The following MNDA variants were observed in gnomAD, a reference collection of about 807,000 sequenced individuals.
MNDA encodes myeloid cell nuclear differentiation antigen, also known as epididymis secretory sperm binding protein.
MNDA carries 43 observed loss-of-function variants against 37.8 expected under a neutral mutation model. That is an observed-to-expected ratio of 1.14 (90% CI 0.89 to 1.47). The LOEUF is 1.47. Among genes scored for constraint, MNDA ranks in the 40% most tolerant of loss-of-function variants. The pLI is 0.00. For synonymous variants in MNDA, 181 were observed against 169.0 expected (o/e 1.07, Z -0.55); for missense variants, 536 against 476.0 (o/e 1.13, Z -1.17).
chr1:158,842,383 A>C lies in MNDA; in HGVS notation c.230A>C (p.Asn77Thr). ...ELAKDMPSLK[N>T]LVNNLRKEKS... ...GCCAAAGATATGCCATCACTTAAAA[A>C]CCTTGTTAACAATCTTCGAAAAGAG... Residue 77 changes from asparagine to threonine, a missense_variant, in exon 2 of 7, where the codon AAC becomes ACC. Physicochemically the swap from Asn to Thr is moderately conservative, Grantham distance 65. Coordinates refer to ENST00000368141, the MANE Select transcript of MNDA (RefSeq NM_002432.3). 6.2e-7 allele frequency: 1 copy of C among 1,612,296 alleles called. No homozygotes were observed. The highest frequency in any genetic ancestry group is 8.5e-7 in the Non-Finnish European group (1 of 1,179,478).
chr1:158,832,422 G>C (rs2102043074), intron 1 of MNDA, among the ~76,000 whole-genome samples: 1 of 151,898 alleles, frequency 6.6e-6, no homozygotes, highest in South Asian at 2.1e-4. Context: ...GTAACTGAGA[G>C]ATGTGGTGAA....
At chr1:158,847,542 T>G (rs1659157238) in intron 5 of MNDA, among the ~76,000 whole-genome samples, 186 bp from the exon 6 acceptor site, 1 of 151,966 alleles carries the variant, frequency 6.6e-6, no homozygotes, top group African/African-American at 2.4e-5. Context: ...AAAAATACCT[T>G]AAGCAGGAAA....
At position 158,842,166 on chromosome 1, in the gene MNDA, T is replaced by TA. The variant is rs1659039654; in HGVS notation, c.14dup (p.Tyr5Ter). MVNE[Y>*]KKILLLKGFE... is the part of the protein sequence containing the mutation. The stretch of plus-strand genomic sequence containing the variant: ...TATAACATCAGAAATGGTGAATGAA[T>TA]ACAAGAAAATTCTTTTGCTGAAAGG... Residue 5 changes from tyrosine (Y) to a stop codon, truncating the protein, a stop_gained and frameshift_variant, in exon 2 of 7, where the codon TAC becomes TAAC. Transcript: ENST00000368141. LOFTEE classifies it high-confidence loss of function. 6.2e-7 allele frequency: 1 copy of TA among 1,610,524 alleles called. No individual in the cohort carries two copies. The highest frequency in any genetic ancestry group is 1.3e-5 in the African/African-American group (1 of 74,664).
rs775044326 is a variant in MNDA at position 158,847,894 on chromosome 1, G to T, written c.1154G>T (p.Cys385Phe). Residue 385 changes from cysteine to phenylalanine, a missense_variant, in exon 6 of 7, where the codon TGT becomes TTT. Coordinates refer to ENST00000368141, the MANE Select transcript of MNDA (RefSeq NM_002432.3). ...GTTGACCGCAAGCTGAAACTGGTGT[G>T]TGGAAGTCACAGCTTCATCAAGGTG... ...RTVDRKLKLV[C>F]GSHSFIKVIK... 9 of 1,613,740 alleles carry T rather than the reference G, an allele frequency of 5.6e-6. No homozygotes were observed. The African/African-American group carries it at 1.1e-4, about 19-fold the overall frequency.
intron 4 of MNDA, among the ~76,000 whole-genome samples, 183 bp from the exon 5 acceptor site, chr1:158,845,404 G>T (rs750636103): frequency 6.6e-5 from 10 of 151,734 alleles, no homozygotes; most frequent in Admixed American, 5.9e-4. Flanking sequence ...CGCCCGGCTA[G>T]TTTTTTTTGT....
Position 158,842,215 on chromosome 1 carries a change from A to G in MNDA, c.62A>G (p.His21Arg). 2 of 1,613,990 alleles carry G rather than the reference A, an allele frequency of 1.2e-6. No homozygotes were observed. Among genetic ancestry groups the G allele is most frequent in the Non-Finnish European group, 8.5e-7 (1 of 1,179,900 alleles). Residue 21 changes from histidine (H) to arginine (R), a missense_variant, in exon 2 of 7, where the codon CAT becomes CGT. Transcript: ENST00000368141. ...LKGFELMDDY[H>R]FTSIKSLLAY... ...GGATTTGAGCTCATGGATGATTATC[A>G]TTTTACATCAATTAAGTCCTTACTG...
At chr1:158,834,315 C>T (rs1658866597) in intron 1 of MNDA, among the ~76,000 whole-genome samples, 1 of 149,370 alleles carries the variant, frequency 6.7e-6, no homozygotes, top group African/African-American at 2.5e-5. Context: ...TCACTGCAAG[C>T]TCCGCCTCCC....
At chr1:158,838,717 C>T (rs1658970043) in intron 1 of MNDA, among the ~76,000 whole-genome samples, 1 of 152,026 alleles carries the variant, frequency 6.6e-6, no homozygotes, top group South Asian at 2.1e-4. Context: ...TTACATAATG[C>T]ATATATTGTC....
intron 1 of MNDA, among the ~76,000 whole-genome samples, chr1:158,831,924 T>A (rs1013854116): frequency 6.6e-6 from 1 of 152,162 alleles, no homozygotes; most frequent in African/African-American, 2.4e-5. Flanking sequence ...TATTATGAAG[T>A]AATATTTAGT....
chr1:158,844,343 A>G (rs1036008483), intron 4 of MNDA, among the ~76,000 whole-genome samples: 1 of 151,626 alleles, frequency 6.6e-6, no homozygotes, highest in Non-Finnish European at 1.5e-5. Flanking sequence ...ACCAGGACAG[A>G]CCACTAAGCA....
In MNDA at chr1:158,844,391, A is replaced by T. The variant is rs117955815; in HGVS notation, c.570+269A>T. Among the ~76,000 whole-genome samples, 35 of 151,406 alleles carry T rather than the reference A, an allele frequency of 2.3e-4. 1 individual carries two copies. The East Asian group carries it at 6.0e-3, about 26-fold the overall frequency. ...GCAGGTAAGTAGCCTGGCTCCTAGT[A>T]CCAGTACATACAAGCCCATGGCTCA... On this transcript the variant is annotated intron_variant, in intron 4 of 6. Coordinates refer to ENST00000368141, the MANE Select transcript of MNDA (RefSeq NM_002432.3).
chr1:158,832,997 A>G (rs1658835386), intron 1 of MNDA, among the ~76,000 whole-genome samples: 1 of 152,014 alleles, frequency 6.6e-6, no homozygotes, highest in Admixed American at 6.6e-5. Flanking sequence ...CAAGTTTCTT[A>G]TTTTTAAAAA....
Position 158,845,666 on chromosome 1 carries a change from T to G in MNDA, c.650T>G (p.Leu217Arg), listed in dbSNP as rs754740104. 6.2e-7 allele frequency: 1 copy of G among 1,614,146 alleles called. No individual in the cohort carries two copies. Among genetic ancestry groups the G allele is most frequent in the Non-Finnish European group, 8.5e-7 (1 of 1,179,998 alleles). Residue 217 changes from leucine to arginine, a missense_variant, in exon 5 of 7, where the codon CTG (leucine) becomes CGG (arginine). Coordinates refer to ENST00000368141, the MANE Select transcript of MNDA (RefSeq NM_002432.3). ...PQNDPVTVVV[L>R]KATAPFKYES... ...AACGACCCAGTGACAGTGGTGGTACTGAAAGCAACAGCGCCATTTAAATAC... is the reference window on the plus strand; with the variant it reads ...AACGACCCAGTGACAGTGGTGGTACGGAAAGCAACAGCGCCATTTAAATAC...
rs758635073 is a variant in MNDA at position 158,845,608 on chromosome 1, C to G, written c.592C>G (p.Arg198Gly). Residue 198 changes from arginine to glycine, a missense_variant, in exon 5 of 7, where the codon CGG (arginine) becomes GGG (glycine). By Grantham distance (125) the Arg-to-Gly change is moderately radical (BLOSUM62 -2). Coordinates refer to ENST00000368141, the MANE Select transcript of MNDA (RefSeq NM_002432.3). ...FTPNQETQAQ[R>G]QVDARRNVPQ... ...ACAGAATCAGGAAACCCAGGCCCAA[C>G]GGCAGGTGGATGCAAGAAGAAATGT... 2 of 1,612,464 alleles carry G rather than the reference C, an allele frequency of 1.2e-6. No homozygotes were observed. The highest frequency in any genetic ancestry group is 2.2e-5 in the East Asian group (1 of 44,872).
rs139398790 is a variant in MNDA at position 158,842,159 on chromosome 1, G to A, written c.6G>A (p.Val2=). M[V]NEYKKILLLK... ...GCCAAGCTATAACATCAGAAATGGT[G>A]AATGAATACAAGAAAATTCTTTTGC... The change falls in exon 2 of 7, where the codon GTG becomes GTA. Residue 2 remains valine (V), a synonymous_variant. Transcript: ENST00000368141. 407 of 1,609,494 alleles carry A rather than the reference G, an allele frequency of 2.5e-4. No homozygotes were observed. Among genetic ancestry groups the A allele is most frequent in the Non-Finnish European group, 3.3e-4 (394 of 1,177,948 alleles).
At chr1:158,845,324 G>A (rs1356884779) in intron 4 of MNDA, among the ~76,000 whole-genome samples, 2 of 152,106 alleles carry the variant, frequency 1.3e-5, no homozygotes, top group Non-Finnish European at 2.9e-5. Context: ...TGCAAGCTCC[G>A]CCTCCCAGGT....
At position 158,843,099 on chromosome 1, in the gene MNDA, T is replaced by C. The variant is rs571339656; in HGVS notation, c.266-180T>C. Among the ~76,000 whole-genome samples, 129 of 152,318 alleles carry C rather than the reference T, an allele frequency of 8.5e-4. 1 individual carries two copies. The highest frequency in any genetic ancestry group is 2.8e-3 in the African/African-American group (118 of 41,570). ...ACTGAGGAGAATGAGACAGTGCCTA[T>C]GCCTACCATGCTGCTGTTGGCCTCC... On this transcript the variant is annotated intron_variant, in intron 2 of 6. Transcript: ENST00000368141.
intron 1 of MNDA, among the ~76,000 whole-genome samples, chr1:158,831,862 G>T (rs1397582312): frequency 6.6e-6 from 1 of 152,062 alleles, no homozygotes; most frequent in Non-Finnish European, 1.5e-5. Context: ...AGGATGACTT[G>T]GTGACTGGGT....
At chr1:158,846,613 T>C (rs746960714) in intron 5 of MNDA, among the ~76,000 whole-genome samples, 1 of 151,966 alleles carries the variant, frequency 6.6e-6, no homozygotes, top group African/African-American at 2.4e-5. Context: ...AATCTCTTCA[T>C]ACTATTTACA....
Sources: allele counts gnomAD v4.1 joint callset (sites outside exome capture counted in the v4.1 genomes callset), GRCh38; gene constraint gnomAD v4.1.1; transcripts MANE v1.5; gene names NCBI Gene and HGNC (gene_info 2026-07-23, HGNC 2026-07-21).